The following ZSCAN5A variants were observed in gnomAD, a reference collection of about 807,000 sequenced individuals.
The protein encoded by ZSCAN5A is zinc finger and SCAN domain containing 5A, also known as zinc finger and SCAN domain-containing protein 5A.
A neutral mutation model predicts 23.7 loss-of-function variants in ZSCAN5A; 12 were observed. The ratio of observed to expected loss-of-function variants is 0.51; its 90% confidence interval spans 0.32 to 0.82. The LOEUF (loss-of-function observed/expected upper bound fraction) is 0.82. Ranked by LOEUF, ZSCAN5A falls within the 40% of genes least tolerant of loss-of-function variation. The pLI, the probability that ZSCAN5A is intolerant of heterozygous loss-of-function variation, is 0.03. For missense variants in ZSCAN5A, 597 were observed against 617.9 expected, an observed-to-expected ratio of 0.97 and a Z score of 0.36; for synonymous variants, 257 against 239.9, an observed-to-expected ratio of 1.07 and a Z score of -0.66.
chr19:56,230,216 G>A (rs534559616), intron 2 of ZSCAN5A, among the ~76,000 whole-genome samples: 28 of 152,252 alleles, frequency 1.8e-4, no homozygotes, highest in Non-Finnish European at 3.5e-4. Context: ...CTCCCAAGTA[G>A]CTGGGATTTC....
intron 2 of ZSCAN5A, among the ~76,000 whole-genome samples, chr19:56,278,724 T>C (rs772457124): frequency 2.4e-4 from 37 of 152,180 alleles, no homozygotes; most frequent in Non-Finnish European, 4.7e-4. Flanking sequence ...AGGAAGCTGA[T>C]GGATGGTCTA....
intron 2 of ZSCAN5A, among the ~76,000 whole-genome samples, chr19:56,256,218 G>A (rs2036681036): frequency 1.3e-5 from 2 of 152,018 alleles, no homozygotes; most frequent in Non-Finnish European, 2.9e-5. Context: ...TTTGAGACAG[G>A]GTCTTACTCT....
At chr19:56,252,352 C>A (rs1408114144) in intron 2 of ZSCAN5A, among the ~76,000 whole-genome samples, 1 of 152,224 alleles carries the variant, frequency 6.6e-6, no homozygotes, top group African/African-American at 2.4e-5. Flanking sequence ...AAAAGGATTA[C>A]ACCACCCAAA....
In ZSCAN5A at chr19:56,225,029, T is replaced by C; in HGVS notation, c.18A>G (p.Thr6=). Residue 6 remains threonine (T), a synonymous_variant, in exon 3 of 6, where the codon ACA becomes ACG. Coordinates refer to ENST00000683990, the MANE Select transcript of ZSCAN5A (RefSeq NM_001322064.3). The part of the protein sequence containing the change: MAANC[T]SSWSLGESCN... ...AGGATTCTCCTAGACTCCATGAGGA[T>C]GTGCAATTTGCAGCCATATCTAGTG... The C allele has an allele frequency of 6.3e-7, 1 of 1,599,776 alleles. No homozygotes were observed. Among genetic ancestry groups the C allele is most frequent in the South Asian group, 1.1e-5 (1 of 89,598 alleles).
intron 2 of ZSCAN5A, among the ~76,000 whole-genome samples, chr19:56,231,773 G>T (rs1326885842): frequency 6.6e-6 from 1 of 152,094 alleles, no homozygotes; most frequent in Non-Finnish European, 1.5e-5. Flanking sequence ...CCTCTAGCTG[G>T]TTCCTGTGCC....
chr19:56,272,542 C>A (rs1288964461), intron 2 of ZSCAN5A, among the ~76,000 whole-genome samples: 1 of 152,166 alleles, frequency 6.6e-6, no homozygotes, highest in Non-Finnish European at 1.5e-5. Context: ...AGCTCATAGG[C>A]CCTACAAAAA....
chr19:56,240,405 T>C (rs1190609736), intron 2 of ZSCAN5A, among the ~76,000 whole-genome samples: 1 of 152,088 alleles, frequency 6.6e-6, no homozygotes, highest in Non-Finnish European at 1.5e-5. Flanking sequence ...AAACCAATCA[T>C]GGGGCAGTGC....
chr19:56,293,636 G>A (rs1159836214), intron 2 of ZSCAN5A, among the ~76,000 whole-genome samples: 2 of 152,220 alleles, frequency 1.3e-5, no homozygotes, highest in African/African-American at 2.4e-5. Flanking sequence ...AATAGTTCCA[G>A]CCTCATATGG....
chr19:56,261,396 T>C (rs1278666721), intron 2 of ZSCAN5A, among the ~76,000 whole-genome samples: 1 of 152,138 alleles, frequency 6.6e-6, no homozygotes, highest in African/African-American at 2.4e-5. Context: ...GAGGACTTCC[T>C]GAAGGAAGTG....
chr19:56,275,308 G>T (rs2038164699), intron 2 of ZSCAN5A, among the ~76,000 whole-genome samples: 1 of 152,140 alleles, frequency 6.6e-6, no homozygotes, highest in Non-Finnish European at 1.5e-5. Context: ...TTCTCCAATG[G>T]TGATTTTCTA....
rs202185472 is a variant in ZSCAN5A, at chr19:56,221,851, G to C, written c.1215C>G (p.Thr405=). The C allele has an allele frequency of 5.7e-5, 92 of 1,614,060 alleles. No homozygotes were observed. The highest frequency in any genetic ancestry group is 5.5e-5 in the Non-Finnish European group (65 of 1,180,040). ...ACGTGTAGGGCCTCTCGCCAGTGTG[G>C]GTTCGCTGGTGAAATTGGAGGCTAA... ...QLISLQFHQR[T]HTGERPYTCD... is the part of the protein sequence containing the mutation. Residue 405 remains threonine, a synonymous_variant, in exon 6 of 6, where the codon ACC becomes ACG. Coordinates refer to ENST00000683990, the MANE Select transcript of ZSCAN5A (RefSeq NM_001322064.3).
At chr19:56,343,382 A>C (rs922105881) in intron 2 of ZSCAN5A, 2 of 553,586 alleles carry the variant, frequency 3.6e-6, no homozygotes, top group Non-Finnish European at 7.1e-6. Context: ...TTTTCTGAGA[A>C]TATAAGTGCC....
intron 2 of ZSCAN5A, chr19:56,247,277 G>A (rs777581350): frequency 2.4e-5 from 8 of 332,504 alleles, no homozygotes; most frequent in African/African-American, 1.7e-4. Context: ...TCCTTGAAGT[G>A]TCACAAGAGG....
intron 2 of ZSCAN5A, among the ~76,000 whole-genome samples, chr19:56,293,295 G>A (rs2039641110): frequency 6.6e-6 from 1 of 152,160 alleles, no homozygotes; most frequent in African/African-American, 2.4e-5. Flanking sequence ...AGAGTCGCTT[G>A]CTCATGGTCA....
At chr19:56,311,214 A>G (rs1046025008) in intron 2 of ZSCAN5A, among the ~76,000 whole-genome samples, 6 of 152,186 alleles carry the variant, frequency 3.9e-5, no homozygotes, top group African/African-American at 1.4e-4. Context: ...TGCATTAAAA[A>G]AAAGAAAAAG....
In ZSCAN5A at chr19:56,275,933, G is replaced by A. The variant is rs759395268; in HGVS notation, c.-128+37350C>T. Among the ~76,000 whole-genome samples, 4 of 152,202 alleles carry A rather than the reference G, an allele frequency of 2.6e-5. No individual in the cohort carries two copies. In the South Asian group the frequency reaches 6.2e-4, roughly 24 times the overall value. On this transcript the variant is annotated intron_variant, in intron 2 of 5. Transcript: ENST00000683990. ...GATGGATGGGCTGATAGATGGGCCC[G>A]AGTAGCTTTATTGATAGCAGTGAGT...
chr19:56,297,069 CAA>C (rs35746489), intron 2 of ZSCAN5A, among the ~76,000 whole-genome samples: 1 of 145,368 alleles, frequency 6.9e-6, no homozygotes, highest in African/African-American at 2.6e-5. Flanking sequence ...AACTCTGTCT[CAA>C]AAAAAAAAAG....
At chr19:56,222,851 T>G in intron 4 of ZSCAN5A, 110 bp from the exon 5 acceptor site, 1 of 1,468,686 alleles carries the variant, frequency 6.8e-7, no homozygotes, top group Non-Finnish European at 9.4e-7. Context: ...GACACAGGTG[T>G]GGAAATACGT....
chr19:56,272,407 T>C (rs1456440530), intron 2 of ZSCAN5A, among the ~76,000 whole-genome samples: 2 of 152,198 alleles, frequency 1.3e-5, no homozygotes, highest in Admixed American at 1.3e-4. Flanking sequence ...TGAAATGGCA[T>C]GGCTGTGTTC....
Sources: gnomAD v4.1 joint callset for allele counts (sites outside exome capture counted in the v4.1 genomes callset) on GRCh38, gnomAD v4.1.1 for gene constraint, MANE v1.5 for transcripts, NCBI Gene and HGNC (gene_info 2026-07-23, HGNC 2026-07-21) for gene names.